Variants in GOSR2 observed in about 807,000 individuals in gnomAD.
GOSR2 encodes the protein golgi SNAP receptor complex member 2.
A neutral mutation model predicts 27.9 loss-of-function variants in GOSR2; 20 were observed. That is an observed-to-expected ratio of 0.72 (90% CI 0.50 to 1.04). The LOEUF is 1.04. Ranked by LOEUF, GOSR2 falls within the 50% of genes least tolerant of loss-of-function variation. The pLI is 0.00. For missense variants in GOSR2, 261 were observed against 270.5 expected (o/e 0.97, Z 0.25); for synonymous variants, 91 against 98.8 (o/e 0.92, Z 0.47).
intron 1 of GOSR2, among the ~76,000 whole-genome samples, chr17:46,928,822 A>G (rs551765861): frequency 1.3e-5 from 2 of 151,958 alleles, no homozygotes; most frequent in African/African-American, 4.8e-5. Flanking sequence ...ATTTTCTTCT[A>G]TCTTCCTTCA....
chr17:46,959,205 G>A (rs1329342030), intron 6 of GOSR2, among the ~76,000 whole-genome samples: 4 of 152,194 alleles, frequency 2.6e-5, no homozygotes, highest in Non-Finnish European at 5.9e-5. Flanking sequence ...CCTACCACCA[G>A]ACAGATGGAC....
intron 6 of GOSR2, among the ~76,000 whole-genome samples, chr17:46,960,436 C>T (rs2090987620): frequency 1.3e-5 from 2 of 152,316 alleles, no homozygotes; most frequent in Admixed American, 1.3e-4. Flanking sequence ...CTATGAAAAA[C>T]AGTTTGGCAG....
At chr17:46,947,693 A>T (rs370799284) in intron 6 of GOSR2, among the ~76,000 whole-genome samples, 9 of 152,348 alleles carry the variant, frequency 5.9e-5, no homozygotes, top group African/African-American at 1.7e-4. Context: ...TCCTGTCTGT[A>T]TAGTGAGAAT....
Position 46,938,804 on chromosome 17 carries a change from AGT to A in GOSR2, c.*58_*59del, listed in dbSNP as rs571009629. On this transcript the variant is annotated 3_prime_UTR_variant, in exon 6 of 6. Transcript: ENST00000640051. Reference sequence around the variant, plus strand: ...CTGAACAGCATTCCCACAGCCTGCAAGTGTGTGTGTGTGTGAAAGAGAGAGGG... The same window carrying A: ...CTGAACAGCATTCCCACAGCCTGCAAGTGTGTGTGTGTGAAAGAGAGAGGG... 135 of 1,581,176 alleles carry A rather than the reference AGT, an allele frequency of 8.5e-5. No homozygotes were observed. The highest frequency in any genetic ancestry group is 1.8e-4 in the East Asian group (8 of 43,988).
downstream of GOSR2, among the ~76,000 whole-genome samples, chr17:46,944,780 A>G (rs1268961613): frequency 6.6e-6 from 1 of 151,954 alleles, no homozygotes; most frequent in Non-Finnish European, 1.5e-5. Context: ...TTGTATTTTT[A>G]GTAGAAACGG....
At chr17:46,956,127 C>T (rs2090693031) in intron 6 of GOSR2, among the ~76,000 whole-genome samples, 2 of 152,046 alleles carry the variant, frequency 1.3e-5, no homozygotes, top group South Asian at 2.1e-4. Context: ...CCATCTTAAC[C>T]TTCAGGGAAA....
intron 2 of GOSR2, chr17:46,930,047 A>ATTTTTTTTTTTTTTTTTT (rs35194907): frequency 8.1e-6 from 1 of 124,048 alleles, no homozygotes. Context: ...GTTTTTTTTC[A>ATTTTTTTTTTTTTTTTTT]TTTTTTTTTT....
rs2088879332 is a variant in GOSR2 at position 46,939,027 on chromosome 17, G to A, written c.*267G>A. On this transcript the variant is annotated 3_prime_UTR_variant, in exon 6 of 6. Transcript: ENST00000640051. The stretch of plus-strand genomic sequence containing the variant: ...TCTCTCACTCTCGCTCTCACTGGGG[G>A]AGGGAAAGAATGGCTTTGGTGGCTT... The A allele has an allele frequency of 1.5e-6, 2 of 1,293,818 alleles. No homozygotes were observed. Among genetic ancestry groups the A allele is most frequent in the Non-Finnish European group, 2.0e-6 (2 of 1,008,282 alleles). The allele number at this position is 1,293,818 out of a possible 1,614,324, so 80.1% of individuals were successfully genotyped here. A position where few individuals can be genotyped will look rare whatever the true frequency, so the allele number is the denominator to read the frequency against.
chr17:46,958,535 C>A (rs886137182), intron 6 of GOSR2, among the ~76,000 whole-genome samples: 1 of 152,196 alleles, frequency 6.6e-6, no homozygotes, highest in Non-Finnish European at 1.5e-5. Context: ...TGGAAGAAGC[C>A]TTAGAGACGT....
intron 6 of GOSR2, among the ~76,000 whole-genome samples, chr17:46,972,435 C>G (rs912016761): frequency 6.6e-6 from 1 of 152,260 alleles, no homozygotes; most frequent in African/African-American, 2.4e-5. Context: ...AAAGGATTCC[C>G]AGCAAAGGGT....
At chr17:46,969,858 C>G (rs377696861), downstream of GOSR2, among the ~76,000 whole-genome samples, 18 of 152,172 alleles carry the variant, frequency 1.2e-4, no homozygotes, top group East Asian at 1.7e-3. Flanking sequence ...TTACCTTTCG[C>G]GATCCCCTTG....
At chr17:46,934,163 C>G (rs1246037653) in intron 4 of GOSR2, among the ~76,000 whole-genome samples, 1 of 144,104 alleles carries the variant, frequency 6.9e-6, no homozygotes, top group Non-Finnish European at 1.5e-5. Flanking sequence ...ATTCCCAGCT[C>G]CACTGGACTT....
At position 46,939,017 on chromosome 17, in the gene GOSR2, C is replaced by G; in HGVS notation, c.*257C>G. The G allele has an allele frequency of 3.0e-6, 4 of 1,322,814 alleles. No homozygotes were observed. The highest frequency in any genetic ancestry group is 2.8e-5 in the Admixed American group (1 of 35,828). The allele number at this position is 1,322,814 out of a possible 1,614,324, so 81.9% of individuals were successfully genotyped here. ...CGGGTCTGTCTCTCTCACTCTCGCT[C>G]TCACTGGGGGAGGGAAAGAATGGCT... is the stretch of plus-strand genomic sequence containing the variant. On this transcript the variant is annotated 3_prime_UTR_variant, in exon 6 of 6. Transcript: ENST00000640051.
At chr17:46,972,086 C>T (rs932059998) in intron 6 of GOSR2, among the ~76,000 whole-genome samples, 5 of 12,626 alleles carry the variant, frequency 4.0e-4, no homozygotes, top group African/African-American at 4.2e-4. Context: ...GCTGCTTCCC[C>T]GCTTTATGTT....
At chr17:46,952,247 C>G (rs572718823) in intron 6 of GOSR2, among the ~76,000 whole-genome samples, 13 of 152,322 alleles carry the variant, frequency 8.5e-5, no homozygotes, top group African/African-American at 3.1e-4. Context: ...TCAGCGAGGG[C>G]TGCCTCCTCC....
At chr17:46,975,551 C>G (rs1164848862), downstream of GOSR2, 1 of 152,260 alleles carries the variant, frequency 6.6e-6, no homozygotes, top group Non-Finnish European at 1.5e-5. Flanking sequence ...GGCCTCAGGA[C>G]TCCTGGGGAG....
chr17:46,953,610 G>C (rs2090520387), intron 6 of GOSR2, among the ~76,000 whole-genome samples: 1 of 152,252 alleles, frequency 6.6e-6, no homozygotes, highest in African/African-American at 2.4e-5. Context: ...CTAGATCCCT[G>C]AGGAATCGCC....
intron 6 of GOSR2, among the ~76,000 whole-genome samples, chr17:46,949,896 G>A (rs2090201406): frequency 6.6e-6 from 1 of 152,206 alleles, no homozygotes; most frequent in Non-Finnish European, 1.5e-5. Context: ...AGGCTGCAGA[G>A]GTAAGTTGAG....
Position 46,940,758 on chromosome 17 carries a change from G to A in GOSR2, c.*1998G>A. 6.4e-7 allele frequency: 1 copy of A among 1,554,136 alleles called. No individual in the cohort carries two copies. The highest frequency in any genetic ancestry group is 2.4e-5 in the East Asian group (1 of 42,394). On this transcript the variant is annotated 3_prime_UTR_variant, in exon 6 of 6. Transcript: ENST00000640051. ...TGAACCCTCATGCTGCACCTTCAGA[G>A]CCAGTCCTCTAGTTTGGAATAAAAA...
Sources: gnomAD v4.1 joint callset for allele counts (sites outside exome capture counted in the v4.1 genomes callset) on GRCh38, gnomAD v4.1.1 for gene constraint, MANE v1.5 for transcripts, NCBI Gene and HGNC (gene_info 2026-07-23, HGNC 2026-07-21) for gene names.